LACTB2: variants seen among roughly 807,000 people sequenced by gnomAD.
LACTB2 encodes the protein lactamase beta 2.
Under a neutral mutation model 34.8 loss-of-function variants are expected in LACTB2, and 32 were observed. The ratio of observed to expected loss-of-function variants is 0.92; its 90% confidence interval spans 0.69 to 1.24. The LOEUF (loss-of-function observed/expected upper bound fraction) is 1.24. LACTB2 is among the 50% of genes most tolerant of loss of function. The pLI is 0.00. For missense variants in LACTB2, 320 were observed against 345.0 expected (o/e 0.93, Z 0.57); for synonymous variants, 120 against 117.5 (o/e 1.02, Z -0.14).
intron 1 of LACTB2, among the ~76,000 whole-genome samples, chr8:70,668,355 G>A (rs548759601): frequency 6.6e-6 from 1 of 152,274 alleles, no homozygotes; most frequent in Non-Finnish European, 1.5e-5. Flanking sequence ...CACTAAAACA[G>A]AATGCAGCTA....
chr8:70,643,440 C>A lies in LACTB2; in HGVS notation c.592+625G>T, dbSNP rs184812140. Among the ~76,000 whole-genome samples, 4 of 151,850 alleles carry A rather than the reference C, an allele frequency of 2.6e-5. No individual in the cohort carries two copies. The East Asian group carries it at 7.7e-4, about 29-fold the overall frequency. On this transcript the variant is annotated intron_variant, in intron 4 of 6. Coordinates refer to ENST00000276590, the MANE Select transcript of LACTB2 (RefSeq NM_016027.3). ...GTTTCACCATGTTGGCCAGGCTGAT[C>A]TCGAACTCCTGACCTCAGGTGATCT...
rs1221720926 is a variant in LACTB2, at chr8:70,637,797, A to G, written c.*63T>C. The G allele has an allele frequency of 6.2e-6, 6 of 964,930 alleles. No individual in the cohort carries two copies. Among genetic ancestry groups the G allele is most frequent in the Non-Finnish European group, 7.8e-6 (5 of 643,262 alleles). 59.8% of individuals were successfully genotyped at this position (964,930 alleles called of 1,614,324 possible). A position where few individuals can be genotyped will look rare whatever the true frequency, so the allele number is the denominator to read the frequency against. On this transcript the variant is annotated 3_prime_UTR_variant, in exon 7 of 7. Transcript: ENST00000276590. ...TTTTATATTCTCTATAAAATAACCT[A>G]TAGTTAAGAAAACATACCATTCTCT... is the stretch of plus-strand genomic sequence containing the variant.
At chr8:70,647,999 T>C (rs1013738764) in intron 3 of LACTB2, among the ~76,000 whole-genome samples, 1 of 152,196 alleles carries the variant, frequency 6.6e-6, no homozygotes, top group Non-Finnish European at 1.5e-5. Context: ...ATGCCTTCTT[T>C]CCACACTCAG....
intron 1 of LACTB2, 32 bp from the exon 2 acceptor site, chr8:70,661,929 T>C (rs779134825): frequency 3.8e-6 from 6 of 1,561,052 alleles, no homozygotes; most frequent in Non-Finnish European, 5.2e-6. Context: ...ATCACACAAT[T>C]GGAACACTGC....
chr8:70,663,292 G>A (rs1818501450), intron 1 of LACTB2: 1 of 152,184 alleles, frequency 6.6e-6, no homozygotes, highest in Admixed American at 6.5e-5. Context: ...GTGAGTAACT[G>A]GATGGTTATT....
At chr8:70,656,725 T>C (rs1226978997) in intron 3 of LACTB2, among the ~76,000 whole-genome samples, 1 of 152,182 alleles carries the variant, frequency 6.6e-6, no homozygotes, top group Non-Finnish European at 1.5e-5. Context: ...AGAATGATGG[T>C]GGTATTTTGA....
At chr8:70,667,780 C>T (rs553027721) in intron 1 of LACTB2, among the ~76,000 whole-genome samples, 2 of 152,220 alleles carry the variant, frequency 1.3e-5, no homozygotes, top group Admixed American at 6.5e-5. Flanking sequence ...GCTGAACTTA[C>T]TGAGACAATA....
intron 1 of LACTB2, chr8:70,662,141 A>C (rs1263349587): frequency 6.2e-6 from 2 of 320,218 alleles, no homozygotes; most frequent in Non-Finnish European, 1.1e-5. Context: ...GAACATTTAC[A>C]TAGCAATTAA....
intron 3 of LACTB2, among the ~76,000 whole-genome samples, chr8:70,656,638 T>C (rs1818415288): frequency 6.6e-6 from 1 of 152,234 alleles, no homozygotes; most frequent in Admixed American, 6.5e-5. Context: ...TTGTTCTTTT[T>C]GCTTAGTCTT....
chr8:70,653,097 T>C (rs1275539183), intron 3 of LACTB2, among the ~76,000 whole-genome samples: 1 of 152,174 alleles, frequency 6.6e-6, no homozygotes, highest in Non-Finnish European at 1.5e-5. Flanking sequence ...TATAACATGC[T>C]ATTATATTTT....
At chr8:70,649,652 A>C (rs893763765) in intron 3 of LACTB2, among the ~76,000 whole-genome samples, 1 of 152,162 alleles carries the variant, frequency 6.6e-6, no homozygotes, top group Non-Finnish European at 1.5e-5. Flanking sequence ...CCCAATTCTA[A>C]TTTTTTCTTA....
rs1818191101 is a variant in LACTB2, at chr8:70,641,021, C to T, written c.622G>A (p.Ala208Thr). 1 of 1,603,040 alleles carries T rather than the reference C, an allele frequency of 6.2e-7. No homozygotes were observed. The highest frequency in any genetic ancestry group is 1.1e-5 in the South Asian group (1 of 87,850). ...GHGPVIHNAE[A>T]KIQQYISHRN... ...TGAGAAATGTATTGTTGAATTTTAG[C>T]TTCAGCATTATGAATTACTGGGCCA... The change falls in exon 5 of 7, where the codon GCT becomes ACT. Residue 208 changes from alanine (A) to threonine (T), a missense_variant. Physicochemically the swap from Ala to Thr is moderately conservative, Grantham distance 58. Coordinates refer to ENST00000276590, the MANE Select transcript of LACTB2 (RefSeq NM_016027.3).
chr8:70,639,304 C>T (rs534768008), intron 5 of LACTB2, among the ~76,000 whole-genome samples: 48 of 151,926 alleles, frequency 3.2e-4, no homozygotes, highest in Admixed American at 5.9e-4. Flanking sequence ...GGATTACAGG[C>T]GTGTGCCACC....
At chr8:70,642,312 C>T (rs1818208296) in intron 4 of LACTB2, among the ~76,000 whole-genome samples, 1 of 152,108 alleles carries the variant, frequency 6.6e-6, no homozygotes, top group Admixed American at 6.6e-5. Flanking sequence ...AATCTAAATG[C>T]CCAGCTCTAC....
chr8:70,637,988 G>A (rs1586780498), intron 6 of LACTB2, 85 bp from the exon 7 acceptor site: 2 of 708,756 alleles, frequency 2.8e-6, no homozygotes, highest in Non-Finnish European at 4.4e-6. Flanking sequence ...GCTAGAAAAA[G>A]CATTCATTCT....
At chr8:70,650,469 G>T (rs773647185) in intron 3 of LACTB2, among the ~76,000 whole-genome samples, 9 of 152,052 alleles carry the variant, frequency 5.9e-5, no homozygotes, top group Non-Finnish European at 1.2e-4. Flanking sequence ...GGCCAGGTGC[G>T]GTAGCTCATG....
chr8:70,638,421 C>T, intron 6 of LACTB2, 127 bp downstream of exon 6: 2 of 1,050,676 alleles, frequency 1.9e-6, no homozygotes, highest in Non-Finnish European at 2.6e-6. Context: ...TAGCGCCTGT[C>T]TCTCCAACTT....
At chr8:70,655,347 G>A (rs1818397370) in intron 3 of LACTB2, among the ~76,000 whole-genome samples, 1 of 151,648 alleles carries the variant, frequency 6.6e-6, no homozygotes, top group Non-Finnish European at 1.5e-5. Context: ...AGCCTCCCAA[G>A]TAGCTGGGAT....
intron 3 of LACTB2, among the ~76,000 whole-genome samples, chr8:70,655,684 T>C (rs1051552313): frequency 2.6e-5 from 4 of 152,214 alleles, no homozygotes; most frequent in Non-Finnish European, 5.9e-5. Flanking sequence ...CTTTTTTGTA[T>C]AATGACTTCT....
Sources: gnomAD v4.1 joint callset for allele counts (sites outside exome capture counted in the v4.1 genomes callset) on GRCh38, gnomAD v4.1.1 for gene constraint, MANE v1.5 for transcripts, NCBI Gene and HGNC (gene_info 2026-07-23, HGNC 2026-07-21) for gene names.